CDH13: variants seen among roughly 807,000 people sequenced by gnomAD.
CDH13 encodes cadherin-13.
CDH13 carries 24 observed loss-of-function variants against 63.8 expected under a neutral mutation model. That is an observed-to-expected ratio of 0.38 (90% CI 0.27 to 0.53). The LOEUF (loss-of-function observed/expected upper bound fraction) is 0.53. Among genes scored for constraint, CDH13 ranks in the 20% least tolerant of loss-of-function variants. The probability of loss-of-function intolerance (pLI) is 0.85; values close to 1 mark genes in which losing one functional copy is unlikely to be tolerated. For missense variants in CDH13, 1,049 were observed against 903.1 expected (o/e 1.16, Z -2.07); for synonymous variants, 503 against 355.3 (o/e 1.42, Z -4.67).
Position 83,174,926 on chromosome 16 carries a change from A to G in CDH13, c.484-42419A>G, listed in dbSNP as rs983029361. 1.4e-4 allele frequency among the ~76,000 whole-genome samples: 21 copies of G among 152,214 alleles called. 1 individual carries two copies. Among genetic ancestry groups the G allele is most frequent in the Admixed American group, 1.2e-3 (19 of 15,276 alleles). ...TGAACTCACTCACTATCATGAGAACAGCTTGGGGGAACTGCCCCCATGATC... is the reference window on the plus strand; with the variant it reads ...TGAACTCACTCACTATCATGAGAACGGCTTGGGGGAACTGCCCCCATGATC... On this transcript the variant is annotated intron_variant, in intron 4 of 13. Coordinates refer to ENST00000567109, the MANE Select transcript of CDH13 (RefSeq NM_001257.5).
intron 1 of CDH13, among the ~76,000 whole-genome samples, chr16:82,857,168 C>T (rs1308302197): frequency 6.6e-6 from 1 of 152,158 alleles, no homozygotes; most frequent in Non-Finnish European, 1.5e-5. Context: ...CTGGCTTCAC[C>T]CATTCCAACT....
intron 11 of CDH13, among the ~76,000 whole-genome samples, chr16:83,758,999 A>G (rs1210320230): frequency 6.6e-6 from 1 of 152,240 alleles, no homozygotes; most frequent in Non-Finnish European, 1.5e-5. Flanking sequence ...ATACCATGCA[A>G]AGTCCCAATC....
chr16:83,186,897 T>C (rs533744539), intron 4 of CDH13, among the ~76,000 whole-genome samples: 1 of 152,136 alleles, frequency 6.6e-6, no homozygotes, highest in Non-Finnish European at 1.5e-5. Flanking sequence ...GTGAAGGTGG[T>C]GAAGGGCAGA....
At chr16:83,121,209 C>G (rs1057428618) in intron 3 of CDH13, among the ~76,000 whole-genome samples, 6 of 152,152 alleles carry the variant, frequency 3.9e-5, no homozygotes, top group African/African-American at 1.4e-4. Context: ...TTCCTAGAGA[C>G]TAAAGTGTCT....
At chr16:83,192,342 C>A (rs993471584) in intron 4 of CDH13, among the ~76,000 whole-genome samples, 14 of 152,310 alleles carry the variant, frequency 9.2e-5, no homozygotes, top group Admixed American at 7.8e-4. Flanking sequence ...CTGCAGAGAG[C>A]AGAGGGTAGA....
At chr16:83,457,281 T>A (rs1240474996) in intron 6 of CDH13, among the ~76,000 whole-genome samples, 2 of 152,126 alleles carry the variant, frequency 1.3e-5, no homozygotes, top group Non-Finnish European at 2.9e-5. Flanking sequence ...GCTTTAAGCG[T>A]TTGATAAACA....
intron 7 of CDH13, among the ~76,000 whole-genome samples, chr16:83,596,970 C>G (rs1907322104): frequency 6.6e-6 from 1 of 152,180 alleles, no homozygotes; most frequent in African/African-American, 2.4e-5. Flanking sequence ...TGCCTATAAT[C>G]TCAGCACTTG....
At position 82,835,094 on chromosome 16, in the gene CDH13, A is replaced by T. The variant is rs1338210130; in HGVS notation, c.46-23268A>T. ...TAGTGTGTTTTCTTTAACCCAATAT[A>T]TTCAAGTAGTATCCCTGCAACGTGT... On this transcript the variant is annotated intron_variant, in intron 1 of 13. Coordinates refer to ENST00000567109, the MANE Select transcript of CDH13 (RefSeq NM_001257.5). Among the ~76,000 whole-genome samples the T allele has an allele frequency of 3.3e-5, 5 of 152,246 alleles. 1 individual carries two copies. The highest frequency in any genetic ancestry group is 6.5e-5 in the Admixed American group (1 of 15,292).
intron 4 of CDH13, among the ~76,000 whole-genome samples, chr16:83,173,732 C>T (rs969514444): frequency 6.6e-6 from 1 of 152,102 alleles, no homozygotes; most frequent in Admixed American, 6.6e-5. Context: ...AGATCCCTGC[C>T]TCTCCCAATC....
At chr16:82,861,142 T>C (rs1217689196) in intron 2 of CDH13, among the ~76,000 whole-genome samples, 1 of 152,226 alleles carries the variant, frequency 6.6e-6, no homozygotes. Flanking sequence ...AATCATTGTA[T>C]ACCAAAGATC....
chr16:83,193,284 T>C (rs2151757802), intron 4 of CDH13, among the ~76,000 whole-genome samples: 1 of 152,146 alleles, frequency 6.6e-6, no homozygotes. Context: ...AGGTGGATTT[T>C]ATTCCTATTT....
chr16:82,898,411 G>C (rs2041341589), intron 2 of CDH13, among the ~76,000 whole-genome samples: 2 of 152,166 alleles, frequency 1.3e-5, no homozygotes, highest in African/African-American at 4.8e-5. Context: ...TGTAATTCCG[G>C]CTACTCAGGA....
At chr16:82,695,941 T>C (rs2030232483) in intron 1 of CDH13, among the ~76,000 whole-genome samples, 1 of 151,786 alleles carries the variant, frequency 6.6e-6, no homozygotes, top group Non-Finnish European at 1.5e-5. Flanking sequence ...TCTACTAGCC[T>C]GCCAAATGTA....
chr16:83,192,592 G>C (rs539589047), intron 4 of CDH13, among the ~76,000 whole-genome samples: 7 of 152,302 alleles, frequency 4.6e-5, no homozygotes, highest in African/African-American at 1.7e-4. Context: ...AATAGGATCT[G>C]AGTTTCCGTG....
chr16:82,707,562 C>T (rs993949246), intron 1 of CDH13, among the ~76,000 whole-genome samples: 1 of 152,164 alleles, frequency 6.6e-6, no homozygotes. Context: ...AAGCCAGGGT[C>T]TGTGATACAT....
intron 4 of CDH13, among the ~76,000 whole-genome samples, chr16:83,160,169 G>A (rs2151709413): frequency 6.6e-6 from 1 of 152,262 alleles, no homozygotes; most frequent in East Asian, 1.9e-4. Flanking sequence ...CTGTAGGAAA[G>A]CTACATTTTA....
intron 10 of CDH13, among the ~76,000 whole-genome samples, chr16:83,714,496 A>C (rs1908592773): frequency 6.6e-6 from 1 of 152,196 alleles, no homozygotes; most frequent in Non-Finnish European, 1.5e-5. Flanking sequence ...TTTCTGCCCC[A>C]CAAAGGAATG....
chr16:82,951,222 G>A (rs914269978), intron 2 of CDH13, among the ~76,000 whole-genome samples: 1 of 152,100 alleles, frequency 6.6e-6, no homozygotes, highest in Non-Finnish European at 1.5e-5. Flanking sequence ...CTGTGAGCTG[G>A]CAAGAGGATA....
chr16:83,453,057 G>T (rs1476300120), intron 6 of CDH13, among the ~76,000 whole-genome samples: 35 of 152,170 alleles, frequency 2.3e-4, no homozygotes, highest in Admixed American at 2.2e-3. Flanking sequence ...GGAATGAATT[G>T]ATGGCATTCA....
Sources: allele counts gnomAD v4.1 joint callset (sites outside exome capture counted in the v4.1 genomes callset), GRCh38; gene constraint gnomAD v4.1.1; transcripts MANE v1.5; gene names NCBI Gene and HGNC (gene_info 2026-07-23, HGNC 2026-07-21).